The following NRXN1 variants were observed in gnomAD, a reference collection of about 807,000 sequenced individuals.
The protein encoded by NRXN1 is neurexin-1.
Under a neutral mutation model 150.9 loss-of-function variants are expected in NRXN1, and 39 were observed. The ratio of observed to expected loss-of-function variants is 0.26; its 90% CI spans 0.20 to 0.34. NRXN1 has a LOEUF of 0.34. NRXN1 is among the 10% of genes least tolerant of loss of function. The pLI is 1.00. For missense variants in NRXN1, 1,815 were observed against 1,949.9 expected (o/e 0.93, Z 1.30); for synonymous variants, 924 against 757.0 (o/e 1.22, Z -3.62).
chr2:50,150,400 G>A (rs956933693), intron 18 of NRXN1, among the ~76,000 whole-genome samples: 1 of 151,770 alleles, frequency 6.6e-6, no homozygotes, highest in African/African-American at 2.4e-5. Context: ...AACTAGCAAA[G>A]GATGTATTGT....
chr2:50,187,616 C>T (rs1011653942), intron 18 of NRXN1, among the ~76,000 whole-genome samples: 24 of 152,012 alleles, frequency 1.6e-4, no homozygotes, highest in African/African-American at 5.8e-4. Context: ...GAGTTTTTTT[C>T]TAATTCTGTG....
At chr2:50,118,655 G>A (rs893538695) in intron 18 of NRXN1, among the ~76,000 whole-genome samples, 2 of 152,032 alleles carry the variant, frequency 1.3e-5, no homozygotes, top group African/African-American at 4.8e-5. Context: ...TCAAAAGCAG[G>A]CACTAAAAAT....
intron 17 of NRXN1, among the ~76,000 whole-genome samples, chr2:50,446,058 T>G (rs2086376887): frequency 6.6e-6 from 1 of 152,140 alleles, no homozygotes; most frequent in African/African-American, 2.4e-5. Flanking sequence ...TATCATATTA[T>G]TCTTGATTAT....
intron 5 of NRXN1, among the ~76,000 whole-genome samples, chr2:50,797,509 A>G (rs1707004160): frequency 6.6e-6 from 1 of 152,062 alleles, no homozygotes; most frequent in Admixed American, 6.6e-5. Context: ...CCAGCCCAAA[A>G]CGTAAATCAT....
chr2:50,951,209 G>C (rs1319215096), intron 2 of NRXN1, among the ~76,000 whole-genome samples: 1 of 152,142 alleles, frequency 6.6e-6, no homozygotes, highest in Non-Finnish European at 1.5e-5. Context: ...AAGGGGATGA[G>C]ATGAGAGGAG....
At chr2:50,964,615 C>A (rs773242261) in intron 2 of NRXN1, among the ~76,000 whole-genome samples, 24 of 151,352 alleles carry the variant, frequency 1.6e-4, no homozygotes, top group Non-Finnish European at 3.1e-4. Context: ...CTACAAATTT[C>A]TTTTGAGAAA....
chr2:49,927,560 AAGG>A (rs1199801587), intron 22 of NRXN1, among the ~76,000 whole-genome samples: 2 of 152,248 alleles, frequency 1.3e-5, no homozygotes, highest in East Asian at 1.9e-4. Context: ...AAATTTTTCC[AAGG>A]AGATTTCCCT....
chr2:50,191,989 G>A (rs1243887818), intron 18 of NRXN1, among the ~76,000 whole-genome samples: 1 of 152,064 alleles, frequency 6.6e-6, no homozygotes, highest in Non-Finnish European at 1.5e-5. Context: ...ATATAAAAAT[G>A]TTTGGAGTAA....
At chr2:50,691,646 T>C (rs867221103) in intron 5 of NRXN1, among the ~76,000 whole-genome samples, 25 of 152,276 alleles carry the variant, frequency 1.6e-4, no homozygotes, top group Middle Eastern at 6.8e-3. Context: ...TTATATAGAA[T>C]CGGCAGATTG....
rs745665869 is a variant in NRXN1 at position 50,170,168 on chromosome 2, T to C, written c.3546+66621A>G. On this transcript the variant is annotated intron_variant, in intron 18 of 22. Coordinates refer to ENST00000401669, the MANE Select transcript of NRXN1 (RefSeq NM_001330078.2). ...ACACACACACACACACACACACATA[T>C]GTACACTCAAACTGGTTGAGCACCC... Among the ~76,000 whole-genome samples, 73 of 150,976 alleles carry C rather than the reference T, an allele frequency of 4.8e-4. 2 individuals are homozygous for C. The highest frequency in any genetic ancestry group is 1.7e-3 in the African/African-American group (69 of 40,454).
rs191947328 is a variant in NRXN1, at chr2:50,275,601, C to T, written c.3365-38631G>A. The stretch of plus-strand genomic sequence containing the variant: ...TTTATTCGAAGATTTGGCTTCCCCA[C>T]ACAAAATTTGTCTTTGTCTAACACA... On this transcript the variant is annotated intron_variant, in intron 17 of 22. Transcript: ENST00000401669. Among the ~76,000 whole-genome samples the T allele has an allele frequency of 4.9e-3, 741 of 152,160 alleles. 4 individuals are homozygous for T. The highest frequency in any genetic ancestry group is 0.017 in the Middle Eastern group (5 of 294).
At chr2:49,926,154 G>C in intron 22 of NRXN1, 1 of 390,560 alleles carries the variant, frequency 2.6e-6, no homozygotes, top group East Asian at 3.6e-5. Context: ...GATTATTCTA[G>C]CAAGGAAATA....
rs35437819 is a variant in NRXN1 at position 50,566,409 on chromosome 2, A to ATTTTT, written c.1321-13389_1321-13385dup. Among the ~76,000 whole-genome samples, 266 of 130,046 alleles carry ATTTTT rather than the reference A, an allele frequency of 2.0e-3. 2 individuals carry two copies. The highest frequency in any genetic ancestry group is 6.1e-3 in the African/African-American group (207 of 34,006). 85.3% of individuals were successfully genotyped at this position (130,046 alleles called of 152,430 possible). A position where few individuals can be genotyped will look rare whatever the true frequency, so the allele number is the denominator to read the frequency against. Reference sequence around the variant, plus strand: ...CAGGCACGTGCCACCACGCCCAGCTATTTTTTTTTTTTTTTTTGTATTTTT... The same window carrying ATTTTT: ...CAGGCACGTGCCACCACGCCCAGCTATTTTTTTTTTTTTTTTTTTTTTGTATTTTT... On this transcript the variant is annotated intron_variant, in intron 8 of 22. Transcript: ENST00000401669.
At chr2:50,446,508 G>T (rs1211652863) in intron 17 of NRXN1, among the ~76,000 whole-genome samples, 4 of 73,744 alleles carry the variant, frequency 5.4e-5, no homozygotes, top group African/African-American at 5.4e-5. Flanking sequence ...CTCCTTCCCC[G>T]TCTTCCTCCC....
intron 5 of NRXN1, among the ~76,000 whole-genome samples, chr2:50,647,202 G>A (rs940790523): frequency 7.9e-5 from 12 of 151,658 alleles, no homozygotes; most frequent in African/African-American, 1.5e-4. Flanking sequence ...GAAAAAAAGC[G>A]GAAACTTACA....
chr2:50,413,496 A>G (rs2083329781), intron 17 of NRXN1, among the ~76,000 whole-genome samples: 2 of 152,212 alleles, frequency 1.3e-5, no homozygotes, highest in Admixed American at 1.3e-4. Flanking sequence ...ATCTCACTCC[A>G]TTTAAAATGG....
At chr2:49,950,754 A>G (rs1410277218) in intron 21 of NRXN1, among the ~76,000 whole-genome samples, 1 of 151,924 alleles carries the variant, frequency 6.6e-6, no homozygotes, top group East Asian at 1.9e-4. Context: ...AGAGTGTTAT[A>G]GTTAAGTGTC....
At chr2:50,304,173 G>A (rs565371516) in intron 17 of NRXN1, among the ~76,000 whole-genome samples, 2 of 152,158 alleles carry the variant, frequency 1.3e-5, no homozygotes, top group South Asian at 2.1e-4. Flanking sequence ...TATTCTTTTG[G>A]TTATCTATTC....
At chr2:50,578,607 G>A (rs1671784927) in intron 8 of NRXN1, among the ~76,000 whole-genome samples, 1 of 152,002 alleles carries the variant, frequency 6.6e-6, no homozygotes, top group African/African-American at 2.4e-5. Flanking sequence ...GTGAATGTGT[G>A]TAGCTGTGCA....
Sources: allele counts gnomAD v4.1 joint callset (sites outside exome capture counted in the v4.1 genomes callset), GRCh38; gene constraint gnomAD v4.1.1; transcripts MANE v1.5; gene names NCBI Gene and HGNC (gene_info 2026-07-23, HGNC 2026-07-21).